Variants in PRKN observed in about 807,000 individuals in gnomAD.
PRKN encodes E3 ubiquitin-protein ligase parkin.
Under a neutral mutation model 59.5 loss-of-function variants are expected in PRKN, and 56 were observed. That is an observed-to-expected ratio of 0.94 (90% CI 0.76 to 1.18). PRKN has a LOEUF of 1.18. Ranked by LOEUF, PRKN falls within the 50% of genes most tolerant of loss-of-function variation. The pLI is 0.00. For synonymous variants in PRKN, 250 were observed against 222.1 expected (o/e 1.13, Z -1.12); for missense variants, 657 against 596.4 (o/e 1.10, Z -1.06).
At chr6:162,726,898 C>T (rs985199725) in intron 1 of PRKN, among the ~76,000 whole-genome samples, 12 of 152,054 alleles carry the variant, frequency 7.9e-5, no homozygotes, top group African/African-American at 2.9e-4. Flanking sequence ...CTCAACAACC[C>T]TGGAAGAGAG....
chr6:162,580,194 T>C (rs1385375695), intron 1 of PRKN, among the ~76,000 whole-genome samples: 3 of 152,078 alleles, frequency 2.0e-5, no homozygotes, highest in Non-Finnish European at 4.4e-5. Flanking sequence ...CCCAGCACTT[T>C]GGGAGGCTGA....
intron 2 of PRKN, among the ~76,000 whole-genome samples, chr6:162,378,253 G>A (rs1786230488): frequency 6.6e-6 from 1 of 152,232 alleles, no homozygotes; most frequent in African/African-American, 2.4e-5. Context: ...TCTATTTTAA[G>A]TGAAACAATT....
chr6:161,796,433 C>G (rs994924497), intron 6 of PRKN, among the ~76,000 whole-genome samples: 1 of 152,192 alleles, frequency 6.6e-6, no homozygotes, highest in African/African-American at 2.4e-5. Flanking sequence ...TTTACCCTAG[C>G]TTTCTTGCCG....
intron 5 of PRKN, among the ~76,000 whole-genome samples, chr6:162,022,943 C>T (rs771369024): frequency 1.3e-5 from 2 of 152,158 alleles, no homozygotes; most frequent in Non-Finnish European, 2.9e-5. Flanking sequence ...TTTTTATCAA[C>T]TTACCAAAGG....
intron 1 of PRKN, among the ~76,000 whole-genome samples, chr6:162,512,385 G>A (rs1367922023): frequency 6.6e-6 from 1 of 152,148 alleles, no homozygotes; most frequent in Non-Finnish European, 1.5e-5. Context: ...ACTGCTAACT[G>A]CATATTCTAG....
At position 161,576,929 on chromosome 6, in the gene PRKN, A is replaced by G. The variant is rs1781151779; in HGVS notation, c.872-7513T>C. The stretch of plus-strand genomic sequence containing the variant: ...GTTTATGCACAATGCAATGTCATTT[A>G]CAGAAAGTTTAGAGAATCTATTAAA... On this transcript the variant is annotated intron_variant, in intron 7 of 11. Transcript: ENST00000366898. This position sits in a 1 kb window ranked among gnomAD's most constrained non-coding sequence, Gnocchi z 4.6. Among the ~76,000 whole-genome samples the G allele has an allele frequency of 6.6e-6, 1 of 152,244 alleles. No individual in the cohort carries two copies. Among genetic ancestry groups the G allele is most frequent in the African/African-American group, 2.4e-5 (1 of 41,472 alleles).
At chr6:162,334,277 G>A (rs1783728164) in intron 2 of PRKN, among the ~76,000 whole-genome samples, 1 of 152,194 alleles carries the variant, frequency 6.6e-6, no homozygotes, top group South Asian at 2.1e-4. Flanking sequence ...TTTATTGCAA[G>A]ATGCCATCTG....
intron 6 of PRKN, among the ~76,000 whole-genome samples, chr6:161,940,534 A>G (rs549262191): frequency 5.9e-5 from 9 of 152,310 alleles, no homozygotes; most frequent in Admixed American, 5.2e-4. Context: ...AAAAACACTG[A>G]GCATTGGTTG....
intron 1 of PRKN, among the ~76,000 whole-genome samples, chr6:162,472,261 T>C (rs1457219514): frequency 6.6e-6 from 1 of 151,722 alleles, no homozygotes; most frequent in Non-Finnish European, 1.5e-5. Flanking sequence ...ACATGCAGGT[T>C]TGTTACATAT....
At chr6:162,634,349 G>A (rs1033931338) in intron 1 of PRKN, among the ~76,000 whole-genome samples, 1 of 151,992 alleles carries the variant, frequency 6.6e-6, no homozygotes, top group Non-Finnish European at 1.5e-5. Context: ...GAAAACCCAG[G>A]CCAGGCATGG....
At chr6:161,510,430 CTGTCCCTGAGAT>C (rs1778343653) in intron 9 of PRKN, among the ~76,000 whole-genome samples, 1 of 151,926 alleles carries the variant, frequency 6.6e-6, no homozygotes, top group African/African-American at 2.4e-5. Context: ...TGAAGTGTGA[CTGTCCCTGAGAT>C]CCCCACATCA....
intron 1 of PRKN, among the ~76,000 whole-genome samples, chr6:162,589,831 C>T (rs1350402231): frequency 6.6e-6 from 1 of 152,168 alleles, no homozygotes; most frequent in Non-Finnish European, 1.5e-5. Flanking sequence ...CATATATTCA[C>T]ATATTGCTTT....
chr6:161,359,101 G>A lies in PRKN; in HGVS notation c.1285+987C>T, dbSNP rs1298227390. On this transcript the variant is annotated intron_variant, in intron 11 of 11. Coordinates refer to ENST00000366898, the MANE Select transcript of PRKN (RefSeq NM_004562.3). The surrounding 1 kb of genome is among the most constrained non-coding windows in gnomAD (Gnocchi z 5.4). ...GAGCCACCGCGCCCGGCCGCCTTCT[G>A]CTCTTTATAGGTGCATGCCAATCCC... 6.6e-6 allele frequency among the ~76,000 whole-genome samples: 1 copy of A among 152,064 alleles called. No homozygotes were observed. The highest frequency in any genetic ancestry group is 2.4e-5 in the African/African-American group (1 of 41,414).
rs1779710117 is a variant in PRKN, at chr6:161,544,058, CTAGTATT to C, written c.1083+4789_1083+4795del. ...CTAGGGTTAGCAGAGTGAGGCTAGA[CTAGTATT>C]TGGTACCAAAATACATTCTCTGCTG... On this transcript the variant is annotated intron_variant, in intron 9 of 11. Transcript: ENST00000366898. This position sits in a 1 kb window ranked among gnomAD's most constrained non-coding sequence, Gnocchi z 5.5. Among the ~76,000 whole-genome samples the C allele has an allele frequency of 6.6e-6, 1 of 152,150 alleles. No individual in the cohort carries two copies.
At chr6:161,486,938 G>A (rs1170274756) in intron 9 of PRKN, among the ~76,000 whole-genome samples, 3 of 152,164 alleles carry the variant, frequency 2.0e-5, no homozygotes, top group African/African-American at 4.8e-5. Flanking sequence ...GAAGCTCACA[G>A]TTTAATTAAG....
chr6:161,723,645 G>T (rs1024505570), intron 7 of PRKN, among the ~76,000 whole-genome samples: 2 of 152,072 alleles, frequency 1.3e-5, no homozygotes, highest in Non-Finnish European at 2.9e-5. Flanking sequence ...ATGATCAATG[G>T]CCTGCACAAA....
At chr6:161,734,728 T>C (rs928246959) in intron 7 of PRKN, among the ~76,000 whole-genome samples, 4 of 152,210 alleles carry the variant, frequency 2.6e-5, no homozygotes, top group African/African-American at 9.6e-5. Flanking sequence ...TCCAGTGAAT[T>C]GAATAAATCT....
chr6:162,530,555 G>C (rs2846494), intron 1 of PRKN, among the ~76,000 whole-genome samples: 53,296 of 152,004 alleles, frequency 0.35, 11,170 homozygotes, highest in Middle Eastern at 0.51. Flanking sequence ...CTCGTCTGCA[G>C]AATGAAGAAC....
intron 7 of PRKN, among the ~76,000 whole-genome samples, chr6:161,606,884 TG>T (rs1206572706): frequency 1.3e-5 from 2 of 152,200 alleles, no homozygotes; most frequent in Non-Finnish European, 2.9e-5. Context: ...TTCCCCAGGC[TG>T]AAGACAAAAT....
Sources: gnomAD v4.1 joint callset for allele counts (sites outside exome capture counted in the v4.1 genomes callset) on GRCh38, gnomAD v4.1.1 for gene constraint, Gnocchi (gnomAD v3.1) non-coding constraint, MANE v1.5 for transcripts, NCBI Gene and HGNC (gene_info 2026-07-23, HGNC 2026-07-21) for gene names.